Variants in RAD51B observed in about 807,000 individuals in gnomAD.
RAD51B encodes RAD51 paralog B.
Under a neutral mutation model 42.2 loss-of-function variants are expected in RAD51B, and 38 were observed. That is an observed-to-expected ratio of 0.90 (90% CI 0.70 to 1.18). RAD51B has a LOEUF of 1.18. RAD51B is among the 50% of genes most tolerant of loss of function. The probability of loss-of-function intolerance (pLI) is 0.00; values close to 1 mark genes in which losing one functional copy is unlikely to be tolerated. For missense variants in RAD51B, 373 were observed against 400.7 expected (o/e 0.93, Z 0.59); for synonymous variants, 154 against 145.2 (o/e 1.06, Z -0.43).
intron 7 of RAD51B, among the ~76,000 whole-genome samples, chr14:68,059,170 C>T (rs2076529085): frequency 6.6e-6 from 1 of 152,094 alleles, no homozygotes; most frequent in Non-Finnish European, 1.5e-5. Flanking sequence ...CATTTAGTAC[C>T]TCCTTTCCAT....
intron 10 of RAD51B, among the ~76,000 whole-genome samples, chr14:68,624,883 G>A (rs1259471453): frequency 6.6e-6 from 1 of 152,214 alleles, no homozygotes; most frequent in Non-Finnish European, 1.5e-5. Context: ...CCTCGTGGGA[G>A]TACATAGGAT....
At chr14:68,546,505 G>C (rs905006342) in intron 10 of RAD51B, among the ~76,000 whole-genome samples, 3 of 152,208 alleles carry the variant, frequency 2.0e-5, no homozygotes, top group African/African-American at 7.2e-5. Context: ...GACAACCATA[G>C]AATGTTCCAC....
rs1165898817 is a variant in RAD51B at position 68,388,213 on chromosome 14, C to T, written c.854-23211C>T. On this transcript the variant is annotated intron_variant, in intron 8 of 10. Transcript: ENST00000471583. ...GGTTCAAGCGATTCTCCCACCTCAG[C>T]CTCCCGAGTAGGTGAGCTTGCAGGC... Among the ~76,000 whole-genome samples, 7 of 152,020 alleles carry T rather than the reference C, an allele frequency of 4.6e-5. No individual in the cohort carries two copies. The East Asian group carries it at 1.4e-3, about 29-fold the overall frequency.
At chr14:68,022,595 T>C (rs1042725903) in intron 7 of RAD51B, among the ~76,000 whole-genome samples, 2 of 152,118 alleles carry the variant, frequency 1.3e-5, no homozygotes, top group African/African-American at 4.8e-5. Flanking sequence ...TTTTCTGACT[T>C]TTAGTGTTGA....
At chr14:67,890,770 CA>C (rs1190903573) in intron 7 of RAD51B, among the ~76,000 whole-genome samples, 4 of 151,936 alleles carry the variant, frequency 2.6e-5, no homozygotes, top group African/African-American at 9.6e-5. Context: ...ATAGTCTTAC[CA>C]TATGTATGTC....
At chr14:67,879,027 A>G (rs957894929) in intron 5 of RAD51B, among the ~76,000 whole-genome samples, 12 of 152,212 alleles carry the variant, frequency 7.9e-5, no homozygotes, top group African/African-American at 2.7e-4. Flanking sequence ...ACATGTTAGC[A>G]TATTGTACCA....
chr14:67,899,221 T>A (rs4902532), intron 7 of RAD51B, among the ~76,000 whole-genome samples: 7,752 of 151,708 alleles, frequency 0.051, 452 homozygotes, highest in African/African-American at 0.15. Flanking sequence ...TTTTTTTTTT[T>A]TATATTTTTA....
intron 10 of RAD51B, among the ~76,000 whole-genome samples, chr14:68,607,212 T>G (rs939302581): frequency 2.6e-5 from 4 of 152,130 alleles, no homozygotes; most frequent in Non-Finnish European, 4.4e-5. Flanking sequence ...GGAGCTCCAG[T>G]GTTCCAGTTC....
At chr14:68,006,131 A>G (rs1045555879) in intron 7 of RAD51B, among the ~76,000 whole-genome samples, 2 of 152,204 alleles carry the variant, frequency 1.3e-5, no homozygotes, top group African/African-American at 4.8e-5. Flanking sequence ...ATTGGGGATT[A>G]TACTTGAACG....
intron 10 of RAD51B, among the ~76,000 whole-genome samples, chr14:68,539,899 G>A (rs1474849232): frequency 2.6e-5 from 4 of 152,212 alleles, no homozygotes; most frequent in Non-Finnish European, 5.9e-5. Flanking sequence ...TAACGGTCCC[G>A]TATCCTCCAG....
At chr14:68,077,829 G>A (rs565372349) in intron 7 of RAD51B, among the ~76,000 whole-genome samples, 1 of 152,350 alleles carries the variant, frequency 6.6e-6, no homozygotes, top group East Asian at 1.9e-4. Flanking sequence ...CGTGGCGCAA[G>A]CCTGTAATCC....
chr14:68,220,947 G>A (rs1365077196), intron 7 of RAD51B, among the ~76,000 whole-genome samples: 2 of 151,904 alleles, frequency 1.3e-5, no homozygotes, highest in African/African-American at 4.8e-5. Flanking sequence ...CCTGGCCAAC[G>A]TGGTGAAACC....
At chr14:68,604,575 G>C (rs1447685151) in intron 10 of RAD51B, among the ~76,000 whole-genome samples, 1 of 152,170 alleles carries the variant, frequency 6.6e-6, no homozygotes, top group Admixed American at 6.5e-5. Context: ...CAGCCCCTCA[G>C]CCCTTCCTCG....
chr14:68,560,973 G>C (rs1889117749), intron 10 of RAD51B, among the ~76,000 whole-genome samples: 1 of 152,204 alleles, frequency 6.6e-6, no homozygotes, highest in East Asian at 1.9e-4. Flanking sequence ...GCCAGATTCA[G>C]GAACGCCTGA....
chr14:68,144,237 A>C (rs370753275), intron 7 of RAD51B, among the ~76,000 whole-genome samples: 1 of 152,260 alleles, frequency 6.6e-6, no homozygotes, highest in South Asian at 2.1e-4. Flanking sequence ...CTGTTGGAGA[A>C]CTAGCTTAGG....
At chr14:68,152,761 T>G (rs936453961) in intron 7 of RAD51B, among the ~76,000 whole-genome samples, 7 of 151,908 alleles carry the variant, frequency 4.6e-5, no homozygotes, top group Non-Finnish European at 1.0e-4. Context: ...TCCCACTCTC[T>G]TCCTTCAAGT....
intron 7 of RAD51B, among the ~76,000 whole-genome samples, chr14:68,141,955 GTCATTCCAT>G (rs113428019): frequency 0.014 from 2,203 of 152,172 alleles, 55 homozygotes; most frequent in African/African-American, 0.049. Context: ...ATGACTCAGG[GTCATTCCAT>G]TCATATGTTG....
chr14:68,254,345 A>G (rs1400987498), intron 7 of RAD51B, among the ~76,000 whole-genome samples: 1 of 152,170 alleles, frequency 6.6e-6, no homozygotes, highest in African/African-American at 2.4e-5. Context: ...CTCTCCCCCA[A>G]CCCTCCACAG....
rs191804419 is a variant in RAD51B at position 68,056,610 on chromosome 14, G to A, written c.756+169406G>A. Among the ~76,000 whole-genome samples, 7 of 151,818 alleles carry A rather than the reference G, an allele frequency of 4.6e-5. 1 individual carries two copies. The highest frequency in any genetic ancestry group is 4.2e-4 in the South Asian group (2 of 4,804). ...CTAAAATACAAAAAATTAGCCAGGC[G>A]TGGTGATGTGTGCCTGTAGTCCCAG... is the stretch of plus-strand genomic sequence containing the variant. On this transcript the variant is annotated intron_variant, in intron 7 of 10. Transcript: ENST00000471583.
Sources: gnomAD v4.1 joint callset for allele counts (sites outside exome capture counted in the v4.1 genomes callset) on GRCh38, gnomAD v4.1.1 for gene constraint, MANE v1.5 for transcripts, NCBI Gene and HGNC (gene_info 2026-07-23, HGNC 2026-07-21) for gene names.